ASIC2: variants seen among roughly 807,000 people sequenced by gnomAD.
ASIC2 encodes the protein acid-sensing ion channel 2.
A neutral mutation model predicts 57.3 loss-of-function variants in ASIC2; 25 were observed. That is an observed-to-expected ratio of 0.44 (90% CI 0.32 to 0.61). The LOEUF is 0.61. ASIC2 is among the 20% of genes least tolerant of loss of function. ASIC2 has a pLI of 0.06. For synonymous variants in ASIC2, 319 were observed against 307.5 expected, an observed-to-expected ratio of 1.04 and a Z score of -0.39; for missense variants, 641 against 738.1, an observed-to-expected ratio of 0.87 and a Z score of 1.52.
intron 1 of ASIC2, among the ~76,000 whole-genome samples, chr17:33,507,283 C>T (rs2012526883): frequency 6.6e-6 from 1 of 152,176 alleles, no homozygotes; most frequent in South Asian, 2.1e-4. Context: ...AGAGAGGGCC[C>T]ACAGACTCTA....
chr17:33,199,079 A>G, intron 1 of ASIC2, among the ~76,000 whole-genome samples: 1 of 152,232 alleles, frequency 6.6e-6, no homozygotes, highest in East Asian at 1.9e-4. Flanking sequence ...CGAATACCTC[A>G]GTTAATTTTA....
At chr17:33,052,202 T>A (rs2091979425) in intron 3 of ASIC2, 1 of 152,160 alleles carries the variant, frequency 6.6e-6, no homozygotes. Flanking sequence ...ACACACAGAG[T>A]CAGGCACCGC....
chr17:33,315,315 A>G (rs774402882), intron 1 of ASIC2, among the ~76,000 whole-genome samples: 3 of 152,198 alleles, frequency 2.0e-5, no homozygotes, highest in Admixed American at 2.0e-4. Context: ...GGGAGAAAAC[A>G]TGGGCCTGCC....
chr17:33,553,313 A>T (rs1337538966), intron 1 of ASIC2, among the ~76,000 whole-genome samples: 1 of 152,122 alleles, frequency 6.6e-6, no homozygotes, highest in Non-Finnish European at 1.5e-5. Flanking sequence ...ATAATGAGTC[A>T]TATTCATAAT....
chr17:33,249,628 A>C (rs1002116832), intron 1 of ASIC2, among the ~76,000 whole-genome samples: 8 of 152,182 alleles, frequency 5.3e-5, no homozygotes, highest in African/African-American at 1.9e-4. Flanking sequence ...CCTTCACGCC[A>C]AGACCGAAAT....
At chr17:33,036,698 A>T (rs1052453299) in intron 3 of ASIC2, among the ~76,000 whole-genome samples, 1 of 152,062 alleles carries the variant, frequency 6.6e-6, no homozygotes, top group African/African-American at 2.4e-5. Context: ...GTGAGTCATC[A>T]TGCCCAGCCT....
At chr17:33,475,124 C>G in intron 1 of ASIC2, among the ~76,000 whole-genome samples, 1 of 151,654 alleles carries the variant, frequency 6.6e-6, no homozygotes, top group East Asian at 2.0e-4. Context: ...CCCAACCCAG[C>G]CTGAGACACT....
At chr17:34,152,482 C>A (rs574379062) in intron 1 of ASIC2, among the ~76,000 whole-genome samples, 3 of 152,258 alleles carry the variant, frequency 2.0e-5, no homozygotes, top group African/African-American at 7.2e-5. Context: ...GGATGTAAAC[C>A]CACTGCTCCA....
intron 1 of ASIC2, chr17:34,120,269 A>G (rs1911568364): frequency 6.6e-6 from 1 of 152,340 alleles, no homozygotes; most frequent in South Asian, 2.1e-4. Context: ...TTGGTATCCC[A>G]TGAGAGCTAT....
chr17:33,866,037 G>C (rs1410648754), intron 1 of ASIC2, among the ~76,000 whole-genome samples: 1 of 151,944 alleles, frequency 6.6e-6, no homozygotes, highest in East Asian at 1.9e-4. Context: ...TGATTTCTTT[G>C]CTCAACATTT....
chr17:33,379,095 G>GTTATATGCCACTAA (rs1187605981), intron 1 of ASIC2, among the ~76,000 whole-genome samples: 1 of 152,230 alleles, frequency 6.6e-6, no homozygotes, highest in Non-Finnish European at 1.5e-5. Flanking sequence ...CATATGGGAA[G>GTTATATGCCACTAA]CATACAGTTA....
intron 1 of ASIC2, among the ~76,000 whole-genome samples, chr17:33,342,019 G>C (rs1034607722): frequency 3.3e-5 from 5 of 152,170 alleles, no homozygotes; most frequent in Admixed American, 3.3e-4. Context: ...AATAATTACA[G>C]AGCAGTCACA....
chr17:33,342,072 G>T (rs1170358400), intron 1 of ASIC2, among the ~76,000 whole-genome samples: 1 of 152,196 alleles, frequency 6.6e-6, no homozygotes, highest in Non-Finnish European at 1.5e-5. Context: ...AAGAGAATGT[G>T]CTGTGAACAA....
intron 1 of ASIC2, among the ~76,000 whole-genome samples, chr17:33,700,722 A>G (rs927558106): frequency 3.3e-5 from 5 of 152,202 alleles, no homozygotes; most frequent in African/African-American, 1.2e-4. Flanking sequence ...GGGAAAACAA[A>G]TCTGAAATTC....
intron 1 of ASIC2, among the ~76,000 whole-genome samples, chr17:33,281,619 A>C (rs1429163019): frequency 1.3e-5 from 2 of 152,252 alleles, no homozygotes; most frequent in Admixed American, 6.5e-5. Context: ...ATACTAAAAC[A>C]TATCTTGGAT....
chr17:33,158,986 T>G (rs2142037118), intron 1 of ASIC2, among the ~76,000 whole-genome samples: 2 of 152,352 alleles, frequency 1.3e-5, no homozygotes, highest in South Asian at 4.1e-4. Flanking sequence ...TGGGCGGTAC[T>G]GCCACACCCC....
At chr17:33,861,049 A>G (rs1213136855) in intron 1 of ASIC2, among the ~76,000 whole-genome samples, 1 of 152,234 alleles carries the variant, frequency 6.6e-6, no homozygotes, top group Non-Finnish European at 1.5e-5. Flanking sequence ...GAGTCTGAAA[A>G]CTATTCTTTT....
intron 6 of ASIC2, among the ~76,000 whole-genome samples, chr17:33,022,375 G>A (rs901056707): frequency 2.0e-5 from 3 of 152,192 alleles, no homozygotes; most frequent in Non-Finnish European, 4.4e-5. Flanking sequence ...ACCCCGCTGG[G>A]CATTGCGGAC....
chr17:34,077,196 T>C (rs1909700052), intron 1 of ASIC2, among the ~76,000 whole-genome samples: 1 of 152,154 alleles, frequency 6.6e-6, no homozygotes, highest in Non-Finnish European at 1.5e-5. Flanking sequence ...TGAGTCTTTC[T>C]CAGGGAGATG....
Sources: gnomAD v4.1 joint callset for allele counts (sites outside exome capture counted in the v4.1 genomes callset) on GRCh38, gnomAD v4.1.1 for gene constraint, MANE v1.5 for transcripts, NCBI Gene and HGNC (gene_info 2026-07-23, HGNC 2026-07-21) for gene names.